The following ZNRF1 variants were observed in gnomAD, a reference collection of about 807,000 sequenced individuals.
The protein encoded by ZNRF1 is E3 ubiquitin-protein ligase ZNRF1.
Under a neutral mutation model 18.4 loss-of-function variants are expected in ZNRF1, and 3 were observed. The observed-to-expected ratio is 0.16, with a 90% CI of 0.07 to 0.42. The LOEUF is 0.42. Among genes scored for constraint, ZNRF1 ranks in the 10% least tolerant of loss-of-function variants. The pLI, the probability that ZNRF1 is intolerant of heterozygous loss-of-function variation, is 0.99. For synonymous variants in ZNRF1, 157 were observed against 144.2 expected (o/e 1.09, Z -0.64); for missense variants, 310 against 329.8 (o/e 0.94, Z 0.47).
chr16:75,080,508 G>T (rs1382382480), intron 1 of ZNRF1, among the ~76,000 whole-genome samples: 1 of 152,120 alleles, frequency 6.6e-6, no homozygotes. Context: ...CAGCCAGTAG[G>T]GTGGACAGTA....
At chr16:75,058,622 C>G (rs2035698819) in intron 1 of ZNRF1, among the ~76,000 whole-genome samples, 1 of 152,142 alleles carries the variant, frequency 6.6e-6, no homozygotes, top group Non-Finnish European at 1.5e-5. Flanking sequence ...AACAGGGCTC[C>G]CAGGACTTGG....
At chr16:75,017,923 G>C (rs1463509763) in intron 1 of ZNRF1, among the ~76,000 whole-genome samples, 1 of 152,150 alleles carries the variant, frequency 6.6e-6, no homozygotes, top group Non-Finnish European at 1.5e-5. Flanking sequence ...AAGGTCACAG[G>C]CTTGGCACCA....
At chr16:75,006,725 C>T (rs765282061) in intron 1 of ZNRF1, among the ~76,000 whole-genome samples, 2 of 152,164 alleles carry the variant, frequency 1.3e-5, no homozygotes, top group Non-Finnish European at 1.5e-5. Context: ...CATGAGCTAC[C>T]GTGCCTGGCC....
At chr16:75,002,368 T>C (rs2034862996) in intron 1 of ZNRF1, 1 of 152,226 alleles carries the variant, frequency 6.6e-6, no homozygotes, top group Non-Finnish European at 1.5e-5. Context: ...TTGGAGCCTT[T>C]GAGTAAGGTC....
chr16:75,047,042 A>G (rs1329908779), intron 1 of ZNRF1, among the ~76,000 whole-genome samples: 1 of 152,200 alleles, frequency 6.6e-6, no homozygotes, highest in African/African-American at 2.4e-5. Flanking sequence ...AAAAGTGGAT[A>G]TAATCTGTCT....
intron 1 of ZNRF1, among the ~76,000 whole-genome samples, chr16:75,024,193 T>TC (rs141009380): frequency 1.3e-5 from 2 of 152,250 alleles, no homozygotes; most frequent in East Asian, 3.9e-4. Flanking sequence ...AACACAGTAC[T>TC]CCAAGTGCCC....
intron 2 of ZNRF1, among the ~76,000 whole-genome samples, chr16:75,094,821 A>G (rs773577840): frequency 6.6e-6 from 1 of 152,162 alleles, no homozygotes; most frequent in South Asian, 2.1e-4. Context: ...GGCATCTTCC[A>G]CTAGACCAGG....
At chr16:75,005,375 T>C (rs1449262718) in intron 1 of ZNRF1, among the ~76,000 whole-genome samples, 2 of 152,220 alleles carry the variant, frequency 1.3e-5, no homozygotes, top group African/African-American at 2.4e-5. Context: ...GCGTTTGCTT[T>C]ATGGGATACT....
At chr16:75,059,855 A>T (rs899651394) in intron 1 of ZNRF1, among the ~76,000 whole-genome samples, 1 of 152,088 alleles carries the variant, frequency 6.6e-6, no homozygotes, top group African/African-American at 2.4e-5. Flanking sequence ...TTGAAGTTAC[A>T]TTCTTTATGT....
In ZNRF1 at chr16:75,052,810, C is replaced by T. The variant is rs539650593; in HGVS notation, c.425-40762C>T. Reference sequence around the variant, plus strand: ...CCTTCCCTCCATCGATCTGTCTGTCCGTCCAGCTTACTGTTGTGATGCATT... The same window carrying T: ...CCTTCCCTCCATCGATCTGTCTGTCTGTCCAGCTTACTGTTGTGATGCATT... On this transcript the variant is annotated intron_variant, in intron 1 of 4. Transcript: ENST00000335325. 5.7e-4 allele frequency among the ~76,000 whole-genome samples: 87 copies of T among 152,326 alleles called. 1 individual carries two copies. In the Middle Eastern group the frequency reaches 0.01, roughly 18 times the overall value.
Position 75,084,158 on chromosome 16 carries a change from G to A in ZNRF1, c.425-9414G>A, listed in dbSNP as rs146813403. On this transcript the variant is annotated intron_variant, in intron 1 of 4. Coordinates refer to ENST00000335325, the MANE Select transcript of ZNRF1 (RefSeq NM_032268.5). ...TTAAAGTCCGCTTGGGTGTGTGCAC[G>A]TTCTTCCGTTCACATTTCATTGGCC... 2.2e-3 allele frequency among the ~76,000 whole-genome samples: 329 copies of A among 152,304 alleles called. 1 individual carries two copies. Among genetic ancestry groups the A allele is most frequent in the African/African-American group, 7.3e-3 (303 of 41,570 alleles).
intron 1 of ZNRF1, among the ~76,000 whole-genome samples, chr16:75,077,701 G>GA: frequency 6.6e-6 from 1 of 152,316 alleles, no homozygotes; most frequent in African/African-American, 2.4e-5. Context: ...TCGCTGGGCT[G>GA]AAATCAAGGT....
intron 2 of ZNRF1, among the ~76,000 whole-genome samples, chr16:75,099,388 C>T (rs1044867990): frequency 2.6e-5 from 4 of 152,048 alleles, no homozygotes; most frequent in Non-Finnish European, 5.9e-5. Context: ...GCCACCGCCT[C>T]CCACCCCCAG....
chr16:75,016,699 CTTTTTTTTTTTT>C (rs35899706), intron 1 of ZNRF1, among the ~76,000 whole-genome samples: 3 of 99,512 alleles, frequency 3.0e-5, no homozygotes, highest in African/African-American at 1.3e-4. Context: ...CCATGCCTGG[CTTTTTTTTTTTT>C]TTTTTTTTGT....
intron 1 of ZNRF1, among the ~76,000 whole-genome samples, chr16:75,033,233 A>G (rs1225498153): frequency 6.6e-6 from 1 of 151,124 alleles, no homozygotes; most frequent in Non-Finnish European, 1.5e-5. Context: ...ATTTCCATAT[A>G]AAATTTAGAA....
At chr16:75,079,646 G>A (rs2035985985) in intron 1 of ZNRF1, among the ~76,000 whole-genome samples, 1 of 152,180 alleles carries the variant, frequency 6.6e-6, no homozygotes, top group African/African-American at 2.4e-5. Context: ...GGATAGGATT[G>A]ATCACTGCAC....
At chr16:75,017,992 G>C (rs1352111669) in intron 1 of ZNRF1, among the ~76,000 whole-genome samples, 3 of 152,194 alleles carry the variant, frequency 2.0e-5, no homozygotes, top group Non-Finnish European at 4.4e-5. Context: ...GCTTGGGCAA[G>C]TGACCTAACA....
chr16:75,024,980 C>T (rs1026045613), intron 1 of ZNRF1, among the ~76,000 whole-genome samples: 1 of 152,098 alleles, frequency 6.6e-6, no homozygotes, highest in African/African-American at 2.4e-5. Flanking sequence ...ATGCTTGTTT[C>T]ACAACTTCTC....
chr16:75,069,569 A>G (rs548434173), intron 1 of ZNRF1, among the ~76,000 whole-genome samples: 2 of 152,088 alleles, frequency 1.3e-5, no homozygotes, highest in Non-Finnish European at 2.9e-5. Context: ...GGGTGCCCCC[A>G]TGCCCAGCTA....
Sources: allele counts gnomAD v4.1 joint callset (sites outside exome capture counted in the v4.1 genomes callset), GRCh38; gene constraint gnomAD v4.1.1; transcripts MANE v1.5; gene names NCBI Gene and HGNC (gene_info 2026-07-23, HGNC 2026-07-21).